CADPS: variants seen among roughly 807,000 people sequenced by gnomAD.
The protein encoded by CADPS is calcium-dependent secretion activator 1.
A neutral mutation model predicts 167.3 loss-of-function variants in CADPS; 57 were observed. The observed-to-expected ratio is 0.34, with a 90% CI of 0.28 to 0.42. The LOEUF is 0.42. Among genes scored for constraint, CADPS ranks in the 20% least tolerant of loss-of-function variants. The pLI, the probability that CADPS is intolerant of heterozygous loss-of-function variation, is 1.00. For synonymous variants in CADPS, 676 were observed against 635.3 expected (o/e 1.06, Z -0.96); for missense variants, 1,414 against 1,738.1 (o/e 0.81, Z 3.32).
intron 3 of CADPS, among the ~76,000 whole-genome samples, chr3:62,701,016 G>A (rs746430762): frequency 2.0e-5 from 3 of 152,004 alleles, no homozygotes; most frequent in Non-Finnish European, 4.4e-5. Context: ...GAGCAAGAGA[G>A]CTCTCTGCTC....
At chr3:62,845,867 G>T (rs1033259662) in intron 1 of CADPS, among the ~76,000 whole-genome samples, 2 of 152,090 alleles carry the variant, frequency 1.3e-5, no homozygotes, top group African/African-American at 4.8e-5. Flanking sequence ...GTTATATCTA[G>T]ATGAGTGATA....
intron 6 of CADPS, among the ~76,000 whole-genome samples, chr3:62,596,691 A>G (rs1440903537): frequency 7.2e-5 from 11 of 152,228 alleles, no homozygotes; most frequent in Admixed American, 7.2e-4. Context: ...ACTAGAAATC[A>G]GTCCCCTTAT....
At chr3:62,621,508 A>T (rs2063161695) in intron 6 of CADPS, among the ~76,000 whole-genome samples, 1 of 152,116 alleles carries the variant, frequency 6.6e-6, no homozygotes, top group African/African-American at 2.4e-5. Flanking sequence ...TTAAAACTTA[A>T]TGTGGTATAT....
intron 3 of CADPS, among the ~76,000 whole-genome samples, chr3:62,741,552 G>T (rs2080252661): frequency 1.3e-5 from 2 of 152,092 alleles, no homozygotes; most frequent in East Asian, 1.9e-4. Flanking sequence ...ATGCAGAAAA[G>T]GCTTTTAATA....
chr3:62,468,190 C>T (rs1191824123), intron 24 of CADPS, among the ~76,000 whole-genome samples: 1 of 152,074 alleles, frequency 6.6e-6, no homozygotes, highest in Non-Finnish European at 1.5e-5. Context: ...CAAAAGAATT[C>T]AGGAAAATTG....
chr3:62,562,751 G>A (rs991996082), intron 9 of CADPS, among the ~76,000 whole-genome samples: 5 of 152,212 alleles, frequency 3.3e-5, no homozygotes, highest in Non-Finnish European at 1.5e-5. Flanking sequence ...AGTGGTTTGT[G>A]TGGGAGTAAC....
intron 18 of CADPS, among the ~76,000 whole-genome samples, chr3:62,497,657 G>T (rs910578781): frequency 6.6e-6 from 1 of 152,168 alleles, no homozygotes; most frequent in Non-Finnish European, 1.5e-5. Flanking sequence ...GCCTCAAGGG[G>T]TCTTACCCCC....
chr3:62,641,496 G>C (rs1269971367), intron 6 of CADPS, among the ~76,000 whole-genome samples: 1 of 152,070 alleles, frequency 6.6e-6, no homozygotes, highest in Non-Finnish European at 1.5e-5. Flanking sequence ...AAAGAGAGTG[G>C]GAAAATATAT....
chr3:62,465,315 C>T lies in CADPS; in HGVS notation c.3636+52G>A, dbSNP rs370366004. The T allele has an allele frequency of 6.3e-5, 90 of 1,426,222 alleles. 1 individual carries two copies. Among genetic ancestry groups the T allele is most frequent in the Middle Eastern group, 5.4e-4 (3 of 5,566 alleles). 88.3% of individuals were successfully genotyped at this position (1,426,222 alleles called of 1,614,324 possible). ...ACACAACATAACTCCTCTCCCAAGC[C>T]GAAACCAAAAATTAAAACAAAAGCC... On this transcript the variant is annotated intron_variant, in intron 26 of 29. Transcript: ENST00000383710. The surrounding 1 kb of genome is among the most constrained non-coding windows in gnomAD (Gnocchi z 4.1).
At chr3:62,827,595 C>T (rs1271082134) in intron 1 of CADPS, among the ~76,000 whole-genome samples, 2 of 151,228 alleles carry the variant, frequency 1.3e-5, no homozygotes, top group Admixed American at 1.3e-4. Context: ...TGCAGATTTT[C>T]CAAGCCTAGA....
Position 62,607,280 on chromosome 3 carries a change from A to C in CADPS, c.1326-14532T>G, listed in dbSNP as rs867054900. Among the ~76,000 whole-genome samples, 5 of 152,144 alleles carry C rather than the reference A, an allele frequency of 3.3e-5. No homozygotes were observed. In the South Asian group the frequency reaches 6.2e-4, roughly 19 times the overall value. ...GTGTCAAATTAAGCAGGATCTACCC[A>C]CGGTGTGAGAGCTGCACTGAGGCCT... On this transcript the variant is annotated intron_variant, in intron 6 of 29. Transcript: ENST00000383710.
chr3:62,577,224 G>A (rs975444956), intron 8 of CADPS, among the ~76,000 whole-genome samples: 4 of 152,122 alleles, frequency 2.6e-5, no homozygotes, highest in African/African-American at 9.7e-5. Flanking sequence ...AAATGAGGCA[G>A]TCTTCTCTCA....
chr3:62,678,730 G>A (rs1045359608), intron 3 of CADPS, among the ~76,000 whole-genome samples: 3 of 151,554 alleles, frequency 2.0e-5, no homozygotes, highest in African/African-American at 7.3e-5. Flanking sequence ...AACTGCAAAA[G>A]AGAAACCATG....
chr3:62,790,693 T>C (rs1189843160), intron 1 of CADPS, among the ~76,000 whole-genome samples: 1 of 152,186 alleles, frequency 6.6e-6, no homozygotes, highest in African/African-American at 2.4e-5. Context: ...AAAGTGATTT[T>C]TAAGGATATT....
chr3:62,564,927 A>C (rs530660819), intron 9 of CADPS, among the ~76,000 whole-genome samples: 1 of 152,140 alleles, frequency 6.6e-6, no homozygotes, highest in Non-Finnish European at 1.5e-5. Flanking sequence ...TTGATCACAG[A>C]ATAAAAATAT....
chr3:62,632,977 A>G (rs1224414236), intron 6 of CADPS, among the ~76,000 whole-genome samples: 7 of 152,118 alleles, frequency 4.6e-5, no homozygotes, highest in East Asian at 1.9e-4. Flanking sequence ...GAGAGATGCC[A>G]GGTGACTTTA....
intron 23 of CADPS, among the ~76,000 whole-genome samples, chr3:62,476,093 A>C (rs2061284987): frequency 6.6e-6 from 1 of 152,186 alleles, no homozygotes; most frequent in African/African-American, 2.4e-5. Flanking sequence ...AGCACAAGTA[A>C]CCTGATATAG....
intron 1 of CADPS, among the ~76,000 whole-genome samples, chr3:62,795,448 C>T (rs954372209): frequency 1.2e-4 from 19 of 152,256 alleles, no homozygotes; most frequent in Middle Eastern, 3.4e-3. Context: ...TAGCATGTGA[C>T]ACTCAATAAA....
At chr3:62,854,755 G>A (rs1268634033) in intron 1 of CADPS, among the ~76,000 whole-genome samples, 3 of 152,070 alleles carry the variant, frequency 2.0e-5, no homozygotes, top group Admixed American at 6.5e-5. Context: ...TTTCCTGTTT[G>A]TACTTGATAA....
Sources: allele counts gnomAD v4.1 joint callset (sites outside exome capture counted in the v4.1 genomes callset), GRCh38; gene constraint gnomAD v4.1.1; non-coding constraint Gnocchi (gnomAD v3.1); transcripts MANE v1.5; gene names NCBI Gene and HGNC (gene_info 2026-07-23, HGNC 2026-07-21).